The following SDK1 variants were observed in gnomAD, a reference collection of about 807,000 sequenced individuals.
SDK1 encodes the protein protein sidekick-1.
A neutral mutation model predicts 245.5 loss-of-function variants in SDK1; 157 were observed. The ratio of observed to expected loss-of-function variants is 0.64; its 90% CI spans 0.56 to 0.73. SDK1 has a LOEUF of 0.73. SDK1 is among the 30% of genes least tolerant of loss of function. SDK1 has a pLI of 0.00. For synonymous variants in SDK1, 1,647 were observed against 1,278.5 expected (o/e 1.29, Z -6.15); for missense variants, 3,583 against 3,002.3 (o/e 1.19, Z -4.52).
intron 22 of SDK1, among the ~76,000 whole-genome samples, chr7:4,100,592 G>T (rs555859669): frequency 2.0e-5 from 3 of 152,148 alleles, no homozygotes; most frequent in Non-Finnish European, 4.4e-5. Flanking sequence ...CTTCCACCAC[G>T]TGAGGACACA....
chr7:4,072,007 G>T (rs1780285716), intron 20 of SDK1, among the ~76,000 whole-genome samples: 1 of 152,198 alleles, frequency 6.6e-6, no homozygotes, highest in Non-Finnish European at 1.5e-5. Context: ...AAATCCATGG[G>T]CATAATAATT....
intron 1 of SDK1, among the ~76,000 whole-genome samples, chr7:3,541,605 G>A (rs948196434): frequency 6.6e-5 from 10 of 152,164 alleles, no homozygotes; most frequent in African/African-American, 2.4e-4. Context: ...TATGGATATG[G>A]CACTTATCAA....
intron 25 of SDK1, among the ~76,000 whole-genome samples, chr7:4,120,843 T>G (rs540153832): frequency 6.6e-6 from 1 of 151,926 alleles, no homozygotes; most frequent in African/African-American, 2.4e-5. Context: ...CTTGAACTCC[T>G]GACCTCAAGT....
intron 1 of SDK1, among the ~76,000 whole-genome samples, chr7:3,506,594 T>G (rs1168495969): frequency 6.6e-6 from 1 of 152,212 alleles, no homozygotes; most frequent in Non-Finnish European, 1.5e-5. Flanking sequence ...CATATTATAT[T>G]GTTTGCTGTT....
At chr7:4,130,420 G>A (rs1298954849) in intron 27 of SDK1, 5 of 340,910 alleles carry the variant, frequency 1.5e-5, no homozygotes, top group South Asian at 4.6e-5. Flanking sequence ...TCTTGGCAGG[G>A]GCTCCACACA....
chr7:3,893,655 A>G (rs1022410701), intron 5 of SDK1, among the ~76,000 whole-genome samples: 1 of 151,494 alleles, frequency 6.6e-6, no homozygotes, highest in African/African-American at 2.4e-5. Flanking sequence ...TTAAGAGATA[A>G]AGAAACAGTG....
intron 4 of SDK1, among the ~76,000 whole-genome samples, chr7:3,645,965 G>A (rs949470508): frequency 1.3e-5 from 2 of 151,996 alleles, no homozygotes; most frequent in African/African-American, 4.8e-5. Context: ...GTCAAGCGAT[G>A]TTCCTACCTC....
intron 5 of SDK1, among the ~76,000 whole-genome samples, chr7:3,862,483 A>G (rs1780717923): frequency 6.6e-6 from 1 of 152,162 alleles, no homozygotes; most frequent in South Asian, 2.1e-4. Flanking sequence ...CATAACTAGG[A>G]TAACTTTTGT....
chr7:4,230,628 A>C (rs1422107533), intron 40 of SDK1, among the ~76,000 whole-genome samples: 3 of 151,686 alleles, frequency 2.0e-5, no homozygotes, highest in African/African-American at 7.3e-5. Flanking sequence ...GATCATGGAA[A>C]GATGGACAGA....
chr7:3,588,773 A>G (rs1227773229), intron 1 of SDK1, among the ~76,000 whole-genome samples: 1 of 152,234 alleles, frequency 6.6e-6, no homozygotes, highest in African/African-American at 2.4e-5. Flanking sequence ...ATTATATGTG[A>G]GAAAATTGAT....
intron 41 of SDK1, among the ~76,000 whole-genome samples, chr7:4,236,661 T>C (rs1321623190): frequency 6.6e-6 from 1 of 151,604 alleles, no homozygotes; most frequent in Non-Finnish European, 1.5e-5. Flanking sequence ...CCACTGAGGA[T>C]TTTAGGGGGG....
intron 2 of SDK1, among the ~76,000 whole-genome samples, chr7:3,621,833 T>A (rs940922977): frequency 2.0e-5 from 3 of 152,220 alleles, no homozygotes; most frequent in African/African-American, 7.2e-5. Flanking sequence ...GGTCTCAAAC[T>A]ATTATTTGCA....
intron 1 of SDK1, among the ~76,000 whole-genome samples, chr7:3,477,049 C>A (rs1262303896): frequency 6.6e-6 from 1 of 152,124 alleles, no homozygotes; most frequent in African/African-American, 2.4e-5. Flanking sequence ...CAAGACTGAT[C>A]AAATGAGTCT....
chr7:3,800,698 A>C (rs1264538136), intron 4 of SDK1, among the ~76,000 whole-genome samples: 1 of 152,000 alleles, frequency 6.6e-6, no homozygotes. Context: ...AAAGTCAAGT[A>C]CTGTTTTCTC....
At chr7:4,111,848 T>G (rs75641207) in intron 23 of SDK1, among the ~76,000 whole-genome samples, 6,064 of 152,316 alleles carry the variant, frequency 0.04, 292 homozygotes, top group African/African-American at 0.11. Flanking sequence ...TAATTGTTTA[T>G]GTATGTGTAA....
chr7:3,848,147 T>G (rs1447964087), intron 5 of SDK1, among the ~76,000 whole-genome samples: 1 of 152,240 alleles, frequency 6.6e-6, no homozygotes, highest in Non-Finnish European at 1.5e-5. Context: ...TATGACACAG[T>G]TGATCAGGAT....
At chr7:4,245,956 A>T in intron 44 of SDK1, 151 bp downstream of exon 44, 1 of 965,650 alleles carries the variant, frequency 1.0e-6, no homozygotes, top group Middle Eastern at 2.3e-4. Context: ...TGCAGATGAG[A>T]AAAGAGCCGA....
At chr7:3,902,582 A>C (rs916865128) in intron 5 of SDK1, among the ~76,000 whole-genome samples, 3 of 152,006 alleles carry the variant, frequency 2.0e-5, no homozygotes, top group African/African-American at 2.4e-5. Context: ...ATGTATAGCT[A>C]GGTTTACTGG....
At chr7:4,183,319 T>C (rs1353727085) in intron 35 of SDK1, among the ~76,000 whole-genome samples, 6 of 152,132 alleles carry the variant, frequency 3.9e-5, no homozygotes, top group African/African-American at 1.4e-4. Context: ...GTCACATGCC[T>C]CCTGAGCAGT....
Sources: allele counts gnomAD v4.1 joint callset (sites outside exome capture counted in the v4.1 genomes callset), GRCh38; gene constraint gnomAD v4.1.1; transcripts MANE v1.5; gene names NCBI Gene and HGNC (gene_info 2026-07-23, HGNC 2026-07-21).